Variants in SLC44A1 observed in about 807,000 individuals in gnomAD.
SLC44A1 encodes choline transporter-like protein 1.
A neutral mutation model predicts 79.3 loss-of-function variants in SLC44A1; 26 were observed. The observed-to-expected ratio is 0.33, with a 90% CI of 0.24 to 0.46. SLC44A1 has a LOEUF of 0.46. Ranked by LOEUF, SLC44A1 falls within the 20% of genes least tolerant of loss-of-function variation. SLC44A1 has a pLI of 1.00. For synonymous variants in SLC44A1, 263 were observed against 286.2 expected (o/e 0.92, Z 0.82); for missense variants, 688 against 798.1 (o/e 0.86, Z 1.66).
rs1347684745 is a variant in SLC44A1 at position 105,362,875 on chromosome 9, G to T, written c.955G>T (p.Ala319Ser). Residue 319 changes from alanine to serine, a missense_variant, in exon 9 of 16, where the codon GCC becomes TCC. By Grantham distance (99) the Ala-to-Ser change is moderately conservative. Coordinates refer to ENST00000374720, the MANE Select transcript of SLC44A1 (RefSeq NM_080546.5). ...VMRKRVALTI[A>S]LFHVAGKVFI... ...GCGCAAACGTGTTGCTCTTACCATC[G>T]CCTTGTTCCACGTAGCTGGCAAGGT... 1 of 1,613,192 alleles carries T rather than the reference G, an allele frequency of 6.2e-7. No individual in the cohort carries two copies. The highest frequency in any genetic ancestry group is 1.7e-5 in the Admixed American group (1 of 59,878).
At chr9:105,293,773 G>C (rs1288905191) in intron 1 of SLC44A1, among the ~76,000 whole-genome samples, 8 of 152,022 alleles carry the variant, frequency 5.3e-5, no homozygotes, top group African/African-American at 1.9e-4. Flanking sequence ...CAATAACATG[G>C]AAATTTAGAT....
chr9:105,435,179 G>A (rs992707773), intron 15 of SLC44A1, among the ~76,000 whole-genome samples: 2 of 151,832 alleles, frequency 1.3e-5, no homozygotes, highest in African/African-American at 4.8e-5. Flanking sequence ...AAAAAAAGGA[G>A]GAAAGCTGAA....
rs755773290 is a variant in SLC44A1, at chr9:105,358,346, C to G, written c.673C>G (p.Leu225Val). 6.6e-7 allele frequency: 1 copy of G among 1,521,742 alleles called. No homozygotes were observed. The highest frequency in any genetic ancestry group is 9.1e-7 in the Non-Finnish European group (1 of 1,097,144). 94.3% of individuals were successfully genotyped at this position (1,521,742 alleles called of 1,614,324 possible). A position where few individuals can be genotyped will look rare whatever the true frequency, so the allele number is the denominator to read the frequency against. Reference sequence around the variant, plus strand: ...TATGTTCTCTATCTTCCCTGCAGTTCTATCCATGATTTTGATGGTGATAAT... The same window carrying G: ...TATGTTCTCTATCTTCCCTGCAGTTGTATCCATGATTTTGATGGTGATAAT... The part of the protein sequence containing the change: ...ILGLCLLSLV[L>V]SMILMVIIRY... Residue 225 changes from leucine to valine, a missense_variant and splice_region_variant, in exon 7 of 16, where the codon CTA becomes GTA. Leu to Val is a conservative substitution (Grantham distance 32, BLOSUM62 1). Transcript: ENST00000374720.
At chr9:105,434,179 T>C (rs1829434932) in intron 15 of SLC44A1, among the ~76,000 whole-genome samples, 1 of 151,828 alleles carries the variant, frequency 6.6e-6, no homozygotes, top group African/African-American at 2.4e-5. Flanking sequence ...CTCTGTTAAA[T>C]AAATACAAAA....
chr9:105,313,915 G>A (rs569331653), intron 3 of SLC44A1, among the ~76,000 whole-genome samples: 11 of 151,878 alleles, frequency 7.2e-5, no homozygotes, highest in Non-Finnish European at 1.3e-4. Context: ...ATGCACCACC[G>A]TGCCTGGCTA....
intron 15 of SLC44A1, among the ~76,000 whole-genome samples, chr9:105,436,949 T>A (rs1044693909): frequency 1.6e-4 from 25 of 152,210 alleles, no homozygotes; most frequent in African/African-American, 5.8e-4. Flanking sequence ...ATTTGATATC[T>A]GAATCATAGA....
chr9:105,352,950 C>G (rs1238211138), intron 5 of SLC44A1, among the ~76,000 whole-genome samples: 1 of 150,878 alleles, frequency 6.6e-6, no homozygotes, highest in African/African-American at 2.4e-5. Context: ...ATAAGGAAAT[C>G]TAGTTTGTTT....
At chr9:105,357,664 G>C (rs995551618) in intron 6 of SLC44A1, among the ~76,000 whole-genome samples, 8 of 152,160 alleles carry the variant, frequency 5.3e-5, no homozygotes, top group African/African-American at 1.9e-4. Context: ...GCTTGGGGCA[G>C]GTAGAAGAAC....
downstream of SLC44A1, among the ~76,000 whole-genome samples, chr9:105,401,069 A>G (rs1194080134): frequency 6.6e-6 from 1 of 152,228 alleles, no homozygotes; most frequent in Non-Finnish European, 1.5e-5. Flanking sequence ...AGCATTCAGC[A>G]TACGACAGTC....
chr9:105,373,779 A>G (rs140373657), intron 12 of SLC44A1, among the ~76,000 whole-genome samples: 6 of 152,336 alleles, frequency 3.9e-5, no homozygotes, highest in Non-Finnish European at 8.8e-5. Flanking sequence ...CGAAACAGCT[A>G]TAGCCATTCA....
intron 15 of SLC44A1, among the ~76,000 whole-genome samples, chr9:105,386,920 T>C (rs539162642): frequency 9.1e-5 from 13 of 142,922 alleles, no homozygotes; most frequent in Middle Eastern, 3.6e-3. Context: ...GTGCCTATAA[T>C]CCGAGTTACT....
At chr9:105,381,086 C>A (rs879619159) in intron 13 of SLC44A1, among the ~76,000 whole-genome samples, 3 of 152,168 alleles carry the variant, frequency 2.0e-5, no homozygotes, top group African/African-American at 7.2e-5. Flanking sequence ...TTGAGCCATA[C>A]CTTTTTTCTA....
intron 2 of SLC44A1, among the ~76,000 whole-genome samples, chr9:105,305,265 T>C (rs757353351): frequency 6.6e-6 from 1 of 152,110 alleles, no homozygotes; most frequent in Non-Finnish European, 1.5e-5. Flanking sequence ...CCACTGCTCC[T>C]GGCCTCATTC....
chr9:105,337,096 T>G (rs1826946802), intron 4 of SLC44A1, among the ~76,000 whole-genome samples: 1 of 152,206 alleles, frequency 6.6e-6, no homozygotes, highest in Non-Finnish European at 1.5e-5. Flanking sequence ...GTGTTGTTGC[T>G]GAGCCTCATA....
chr9:105,407,996 G>GTA (rs1272646458), intron 15 of SLC44A1, among the ~76,000 whole-genome samples: 1 of 151,960 alleles, frequency 6.6e-6, no homozygotes, highest in Non-Finnish European at 1.5e-5. Flanking sequence ...GTGAAACCCT[G>GTA]TCTATACTAA....
Position 105,275,807 on chromosome 9 carries a change from T to A in SLC44A1, c.37-23413T>A, listed in dbSNP as rs576621291. 4.7e-4 allele frequency among the ~76,000 whole-genome samples: 71 copies of A among 150,888 alleles called. 1 individual carries two copies. In the East Asian group the frequency reaches 0.014, roughly 29 times the overall value. On this transcript the variant is annotated intron_variant, in intron 1 of 15. Transcript: ENST00000374720. ...CTTGTCACATCATGGAAGAACAATT[T>A]TTTTTTTTTTTTTTTGAGACGGAGT...
In SLC44A1 at chr9:105,396,272, T is replaced by C. The variant is rs1020737439; in HGVS notation, c.*7216T>C. 26 of 985,202 alleles carry C rather than the reference T, an allele frequency of 2.6e-5. No individual in the cohort carries two copies. In the African/African-American group the frequency reaches 4.4e-4, roughly 17 times the overall value. 61.0% of individuals were successfully genotyped at this position (985,202 alleles called of 1,614,324 possible). ...CACTGAATGCACTTCTAATAGAGCTTTAATCTAAAGAAGTTAGTTCAGTGG... is the reference window on the plus strand; with the variant it reads ...CACTGAATGCACTTCTAATAGAGCTCTAATCTAAAGAAGTTAGTTCAGTGG... On this transcript the variant is annotated 3_prime_UTR_variant, in exon 16 of 16. Coordinates refer to ENST00000374720, the MANE Select transcript of SLC44A1 (RefSeq NM_080546.5).
downstream of SLC44A1, among the ~76,000 whole-genome samples, chr9:105,399,294 G>A (rs957152203): frequency 2.6e-5 from 4 of 152,190 alleles, no homozygotes; most frequent in South Asian, 8.3e-4. Context: ...AAGCTCCCTG[G>A]CCAGGACTGT....
chr9:105,378,095 A>G (rs575511512), intron 13 of SLC44A1, among the ~76,000 whole-genome samples: 2 of 152,322 alleles, frequency 1.3e-5, no homozygotes, highest in Admixed American at 6.5e-5. Flanking sequence ...TGAAAATACA[A>G]AAATTAGCCA....
Sources: allele counts gnomAD v4.1 joint callset (sites outside exome capture counted in the v4.1 genomes callset), GRCh38; gene constraint gnomAD v4.1.1; transcripts MANE v1.5; gene names NCBI Gene and HGNC (gene_info 2026-07-23, HGNC 2026-07-21).